HS6ST2: variants seen among roughly 807,000 people sequenced by gnomAD.
HS6ST2 encodes the protein heparan sulfate 6-O-sulfotransferase 2.
HS6ST2 carries 17 observed loss-of-function variants against 33.0 expected under a neutral mutation model. That is an observed-to-expected ratio of 0.52 (90% confidence interval 0.35 to 0.77). HS6ST2 has a LOEUF of 0.77. Among genes scored for constraint, HS6ST2 ranks in the 30% least tolerant of loss-of-function variants. The pLI is 0.01. For synonymous variants in HS6ST2, 248 were observed against 237.1 expected, an observed-to-expected ratio of 1.05 and a Z score of -0.42; for missense variants, 519 against 551.7, an observed-to-expected ratio of 0.94 and a Z score of 0.59.
intron 2 of HS6ST2, among the ~76,000 whole-genome samples, chrX:132,880,475 G>T (rs2066155350): frequency 9.5e-6 from 1 of 105,804 alleles, no homozygotes; most frequent in Non-Finnish European, 1.9e-5. Flanking sequence ...GGCAGAAGTT[G>T]CAGCGAGCCA....
At chrX:132,746,065 T>A (rs1480510300) in intron 2 of HS6ST2, among the ~76,000 whole-genome samples, 1 of 111,745 alleles carries the variant, frequency 8.9e-6, no homozygotes, top group Non-Finnish European at 1.9e-5. Flanking sequence ...TGAGTCTAAG[T>A]AAAAGATACT....
intron 2 of HS6ST2, among the ~76,000 whole-genome samples, chrX:132,836,619 A>G (rs2065646864): frequency 8.9e-6 from 1 of 112,692 alleles, no homozygotes; most frequent in Non-Finnish European, 1.9e-5. Context: ...AGAAGTGTCC[A>G]CTCTCATATC....
chrX:132,820,644 G>A (rs754819156), intron 2 of HS6ST2, among the ~76,000 whole-genome samples: 4 of 111,819 alleles, frequency 3.6e-5, no homozygotes, highest in South Asian at 3.8e-4. Flanking sequence ...GGCTGCTATC[G>A]AGAACCACCG....
chrX:132,865,530 C>A (rs1356710065), intron 2 of HS6ST2, among the ~76,000 whole-genome samples: 1 of 110,281 alleles, frequency 9.1e-6, no homozygotes, highest in Admixed American at 9.7e-5. Context: ...ATTTCTAGTT[C>A]TAGATCCCTG....
At chrX:132,798,348 C>T (rs1349274187) in intron 2 of HS6ST2, among the ~76,000 whole-genome samples, 2 of 111,290 alleles carry the variant, frequency 1.8e-5, no homozygotes, top group Non-Finnish European at 3.8e-5. Context: ...GAACAGGGAC[C>T]TCCTGGGGTC....
At chrX:132,867,741 G>A (rs1226544192) in intron 2 of HS6ST2, among the ~76,000 whole-genome samples, 1 of 111,790 alleles carries the variant, frequency 8.9e-6, no homozygotes, top group Non-Finnish European at 1.9e-5. Context: ...AATGCTGAGA[G>A]ATTTTGTCAC....
rs1225313934 is a variant in HS6ST2 at position 132,626,724 on chromosome X, G to T, written c.*1499C>A. 1 of 112,105 alleles carries T rather than the reference G, an allele frequency of 8.9e-6. No homozygotes were observed. Among genetic ancestry groups the T allele is most frequent in the Non-Finnish European group, 1.9e-5 (1 of 53,228 alleles). 9.2% of individuals were successfully genotyped at this position (112,105 alleles called of 1,213,427 possible). ...ATTTACAGCCAGGAGGTTAGTGTAA[G>T]TCCTTGCATAAGTATAGCAAAATCC... is the stretch of plus-strand genomic sequence containing the variant. On this transcript the variant is annotated 3_prime_UTR_variant, in exon 5 of 5. Coordinates refer to ENST00000370833, the MANE Select transcript of HS6ST2 (RefSeq NM_001394073.1).
intron 2 of HS6ST2, among the ~76,000 whole-genome samples, chrX:132,722,298 G>C (rs2064340858): frequency 9.1e-6 from 1 of 110,124 alleles, no homozygotes; most frequent in African/African-American, 3.3e-5. Flanking sequence ...CAATGTAAAT[G>C]AAGAAAACAA....
In HS6ST2 at chrX:132,857,463, G is replaced by A. The variant is rs753797405; in HGVS notation, c.947+99345C>T. Among the ~76,000 whole-genome samples the A allele has an allele frequency of 2.4e-4, 25 of 104,570 alleles. No homozygotes were observed. In the East Asian group the frequency reaches 7.2e-3, roughly 30 times the overall value. The allele number at this position is 104,570 out of a possible 115,157, so 90.8% of individuals were successfully genotyped here. On this transcript the variant is annotated intron_variant, in intron 2 of 4. Transcript: ENST00000370833. ...CACGCCACTGCACTCCAGCCTGGGCGACAGAGTGAGACTCTGTCTCAAAAA... is the reference window on the plus strand; with the variant it reads ...CACGCCACTGCACTCCAGCCTGGGCAACAGAGTGAGACTCTGTCTCAAAAA...
intron 2 of HS6ST2, among the ~76,000 whole-genome samples, chrX:132,772,292 G>A (rs1234849015): frequency 9.0e-6 from 1 of 110,667 alleles, no homozygotes; most frequent in Non-Finnish European, 1.9e-5. Context: ...CCGTCTCAAG[G>A]CCCAGTTGTG....
At chrX:132,654,039 G>T (rs989714385) in intron 4 of HS6ST2, among the ~76,000 whole-genome samples, 1 of 111,254 alleles carries the variant, frequency 9.0e-6, no homozygotes, top group African/African-American at 3.3e-5. Flanking sequence ...AATAAGTTCT[G>T]GGAATCTACT....
chrX:132,637,850 A>AT (rs1491464556), intron 4 of HS6ST2, among the ~76,000 whole-genome samples: 1 of 41,423 alleles, frequency 2.4e-5, no homozygotes, highest in East Asian at 6.7e-4. Flanking sequence ...TTTTATATAT[A>AT]ATATATATAT....
chrX:132,828,739 TACAC>T (rs1446985294), intron 2 of HS6ST2, among the ~76,000 whole-genome samples: 2 of 64,667 alleles, frequency 3.1e-5, no homozygotes, highest in Admixed American at 1.7e-4. Flanking sequence ...CACACACACA[TACAC>T]ACACAAACAT....
intron 2 of HS6ST2, among the ~76,000 whole-genome samples, chrX:132,725,924 A>C (rs1480288738): frequency 9.0e-6 from 1 of 111,252 alleles, no homozygotes; most frequent in Non-Finnish European, 1.9e-5. Context: ...AACAAACATC[A>C]CATGTTCTCA....
chrX:132,939,489 G>T (rs1428515710), intron 2 of HS6ST2, among the ~76,000 whole-genome samples: 1 of 110,426 alleles, frequency 9.1e-6, no homozygotes, highest in Non-Finnish European at 1.9e-5. Context: ...GCCGGGCATG[G>T]TGGCGTGCAC....
chrX:132,680,802 C>A (rs1309962804), intron 3 of HS6ST2, among the ~76,000 whole-genome samples: 1 of 110,168 alleles, frequency 9.1e-6, no homozygotes, highest in East Asian at 2.8e-4. Context: ...TCAAGACCAG[C>A]CTGGCCAACA....
intron 2 of HS6ST2, among the ~76,000 whole-genome samples, chrX:132,898,032 C>T (rs1458838191): frequency 9.0e-6 from 1 of 110,744 alleles, no homozygotes; most frequent in Non-Finnish European, 1.9e-5. Flanking sequence ...AGCTCCGCCT[C>T]CTGTCAGATC....
chrX:132,661,953 C>G (rs2063777415), intron 4 of HS6ST2, among the ~76,000 whole-genome samples: 1 of 104,276 alleles, frequency 9.6e-6, no homozygotes, highest in African/African-American at 3.3e-5. Context: ...CCACTGTACT[C>G]CAGCCTGGGT....
chrX:132,930,563 C>A (rs1181759743), intron 2 of HS6ST2, among the ~76,000 whole-genome samples: 1 of 111,066 alleles, frequency 9.0e-6, no homozygotes. Flanking sequence ...ACAACTGCAG[C>A]AAGTATATGG....
Sources: allele counts gnomAD v4.1 joint callset (sites outside exome capture counted in the v4.1 genomes callset), GRCh38; gene constraint gnomAD v4.1.1; transcripts MANE v1.5; gene names NCBI Gene and HGNC (gene_info 2026-07-23, HGNC 2026-07-21).